Variants in RBFOX2 observed in about 807,000 individuals in gnomAD.
The protein encoded by RBFOX2 is RNA binding fox-1 homolog 2, also known as RNA binding protein fox-1 homolog 2.
In RBFOX2, 10 loss-of-function variants were observed where a neutral mutation model predicts 49.1. The observed-to-expected ratio is 0.20, with a 90% confidence interval of 0.13 to 0.35. The LOEUF is 0.35. RBFOX2 is among the 10% of genes least tolerant of loss of function. RBFOX2 has a pLI of 1.00. For synonymous variants in RBFOX2, 183 were observed against 187.4 expected (o/e 0.98, Z 0.19); for missense variants, 323 against 486.9 (o/e 0.66, Z 3.17).
At chr22:35,952,526 T>C (rs1238986863) in intron 1 of RBFOX2, among the ~76,000 whole-genome samples, 1 of 152,212 alleles carries the variant, frequency 6.6e-6, no homozygotes, top group Non-Finnish European at 1.5e-5. Flanking sequence ...TCTTAGTCTG[T>C]TCACTACTTG....
intron 1 of RBFOX2, among the ~76,000 whole-genome samples, chr22:35,983,480 T>G (rs993747906): frequency 6.6e-6 from 1 of 152,190 alleles, no homozygotes; most frequent in African/African-American, 2.4e-5. Flanking sequence ...ACTATAATAA[T>G]TACTTTTAGG....
chr22:35,802,782 C>A (rs1950016132), intron 2 of RBFOX2, among the ~76,000 whole-genome samples: 1 of 152,092 alleles, frequency 6.6e-6, no homozygotes, highest in Non-Finnish European at 1.5e-5. Context: ...AAAAGAGTCA[C>A]AAAAGGGCCA....
intron 1 of RBFOX2, among the ~76,000 whole-genome samples, chr22:35,967,434 G>A (rs2056629567): frequency 6.7e-6 from 1 of 149,120 alleles, no homozygotes; most frequent in East Asian, 2.0e-4. Context: ...GGACAATGAT[G>A]TTTTCTTCCA....
chr22:35,766,631 CAAT>C, intron 5 of RBFOX2, among the ~76,000 whole-genome samples: 1 of 152,000 alleles, frequency 6.6e-6, no homozygotes, highest in Non-Finnish European at 1.5e-5. Flanking sequence ...TGGGATACAA[CAAT>C]GATGAGACTG....
At chr22:35,977,899 A>G (rs1282982912) in intron 1 of RBFOX2, among the ~76,000 whole-genome samples, 1 of 151,210 alleles carries the variant, frequency 6.6e-6, no homozygotes, top group Non-Finnish European at 1.5e-5. Flanking sequence ...CTGAGGAATC[A>G]AGGATGCACA....
At chr22:36,026,137 A>T (rs917605062) in intron 1 of RBFOX2, among the ~76,000 whole-genome samples, 7 of 151,940 alleles carry the variant, frequency 4.6e-5, no homozygotes, top group Non-Finnish European at 1.0e-4. Flanking sequence ...ATGGTGGCAG[A>T]CGCCTGTAAT....
chr22:35,881,967 AAAAGAAAAG>A (rs937366807), intron 1 of RBFOX2, among the ~76,000 whole-genome samples: 2 of 152,014 alleles, frequency 1.3e-5, no homozygotes, highest in Admixed American at 6.6e-5. Context: ...TCAAAAGAAA[AAAAGAAAAG>A]AAAGAAAAGA....
chr22:35,776,354 A>G (rs1943912189), intron 4 of RBFOX2, among the ~76,000 whole-genome samples: 1 of 152,264 alleles, frequency 6.6e-6, no homozygotes, highest in African/African-American at 2.4e-5. Flanking sequence ...GTATAGGCAT[A>G]TTAATCATTT....
intron 2 of RBFOX2, among the ~76,000 whole-genome samples, chr22:35,795,374 GT>G (rs1252872127): frequency 6.6e-6 from 1 of 151,994 alleles, no homozygotes; most frequent in Non-Finnish European, 1.5e-5. Context: ...TGGGCTGAAG[GT>G]AATATAGCCC....
At chr22:35,971,534 C>T (rs1415653065) in intron 1 of RBFOX2, among the ~76,000 whole-genome samples, 1 of 152,062 alleles carries the variant, frequency 6.6e-6, no homozygotes, top group East Asian at 1.9e-4. Flanking sequence ...CTTCTCTGCT[C>T]CCAACCCACA....
At chr22:35,920,998 C>G (rs943587987) in intron 1 of RBFOX2, among the ~76,000 whole-genome samples, 3 of 152,070 alleles carry the variant, frequency 2.0e-5, no homozygotes, top group Non-Finnish European at 4.4e-5. Context: ...TCAATGAATG[C>G]AAATTACTTT....
intron 1 of RBFOX2, among the ~76,000 whole-genome samples, chr22:35,912,490 A>G (rs2049943582): frequency 6.6e-6 from 1 of 152,158 alleles, no homozygotes; most frequent in African/African-American, 2.4e-5. Context: ...TGTCCACCCA[A>G]TTCACAGTGA....
At chr22:36,001,223 ACACACACACACT>A (rs764275010) in intron 1 of RBFOX2, among the ~76,000 whole-genome samples, 7 of 129,764 alleles carry the variant, frequency 5.4e-5, no homozygotes, top group African/African-American at 2.0e-4. Context: ...ACACACACAC[ACACACACACACT>A]ATATGTATAT....
At chr22:35,899,132 C>CATAACATAACATAAT (rs2048239359) in intron 1 of RBFOX2, among the ~76,000 whole-genome samples, 1 of 148,578 alleles carries the variant, frequency 6.7e-6, no homozygotes, top group African/African-American at 2.5e-5. Flanking sequence ...AATAACATAA[C>CATAACATAACATAAT]ATAACATAAC....
intron 1 of RBFOX2, among the ~76,000 whole-genome samples, chr22:36,024,220 C>A (rs2059346192): frequency 6.6e-6 from 1 of 152,108 alleles, no homozygotes; most frequent in African/African-American, 2.4e-5. Context: ...GAGCACTTAC[C>A]AAGTACCCAA....
chr22:35,738,779 G>A (rs1319728701), exon 12 of RBFOX2: 4 of 152,426 alleles, frequency 2.6e-5, no homozygotes, highest in Non-Finnish European at 4.4e-5. Context: ...TCATTACCAT[G>A]TGCAAAGGCT....
chr22:35,913,836 C>T (rs1048672942), intron 1 of RBFOX2, among the ~76,000 whole-genome samples: 1 of 151,836 alleles, frequency 6.6e-6, no homozygotes, highest in Non-Finnish European at 1.5e-5. Flanking sequence ...AAAATATCTG[C>T]CTGTCTAAGA....
chr22:35,852,809 A>T (rs2042091374), intron 1 of RBFOX2, among the ~76,000 whole-genome samples: 1 of 152,228 alleles, frequency 6.6e-6, no homozygotes, highest in African/African-American at 2.4e-5. Flanking sequence ...TGACTTAATT[A>T]TAGAGGAAAT....
intron 1 of RBFOX2, among the ~76,000 whole-genome samples, chr22:35,850,278 G>A (rs2041788808): frequency 6.6e-6 from 1 of 150,770 alleles, no homozygotes; most frequent in Non-Finnish European, 1.5e-5. Context: ...AGGATTAACA[G>A]TATAAAACCT....
Sources: gnomAD v4.1 joint callset for allele counts (sites outside exome capture counted in the v4.1 genomes callset) on GRCh38, gnomAD v4.1.1 for gene constraint, MANE v1.5 for transcripts, NCBI Gene and HGNC (gene_info 2026-07-23, HGNC 2026-07-21) for gene names.